Variants in FMN1 observed in about 807,000 individuals in gnomAD.
FMN1 encodes formin 1, also known as formin-1.
FMN1 carries 110 observed loss-of-function variants against 132.4 expected under a neutral mutation model. The observed-to-expected ratio is 0.83, with a 90% confidence interval of 0.71 to 0.97. FMN1 has a LOEUF of 0.97. Ranked by LOEUF, FMN1 falls within the 50% of genes least tolerant of loss-of-function variation. The pLI, the probability that FMN1 is intolerant of heterozygous loss-of-function variation, is 0.00. For synonymous variants in FMN1, 722 were observed against 651.7 expected, an observed-to-expected ratio of 1.11 and a Z score of -1.64; for missense variants, 1,792 against 1,705.3, an observed-to-expected ratio of 1.05 and a Z score of -0.90.
intron 17 of FMN1, among the ~76,000 whole-genome samples, chr15:32,833,728 C>T (rs943719539): frequency 2.0e-5 from 3 of 152,140 alleles, no homozygotes; most frequent in African/African-American, 4.8e-5. Context: ...GTAAAGAAAA[C>T]CCATCTGAAA....
At chr15:33,069,724 TA>T (rs2037910744) in intron 5 of FMN1, among the ~76,000 whole-genome samples, 1 of 152,188 alleles carries the variant, frequency 6.6e-6, no homozygotes, top group Non-Finnish European at 1.5e-5. Flanking sequence ...TAAGGGTAAG[TA>T]AAACACTTTC....
At chr15:32,945,872 T>A (rs927220973) in intron 9 of FMN1, among the ~76,000 whole-genome samples, 1 of 152,156 alleles carries the variant, frequency 6.6e-6, no homozygotes, top group Non-Finnish European at 1.5e-5. Context: ...TAAAGATACT[T>A]AGGGCACCTC....
intron 17 of FMN1, among the ~76,000 whole-genome samples, chr15:32,806,121 C>T (rs949261131): frequency 6.6e-6 from 1 of 152,094 alleles, no homozygotes; most frequent in Non-Finnish European, 1.5e-5. Context: ...TATTATGTAA[C>T]ATGTTATTAT....
chr15:33,023,815 T>A (rs549789549), intron 6 of FMN1, among the ~76,000 whole-genome samples: 1 of 152,164 alleles, frequency 6.6e-6, no homozygotes, highest in Non-Finnish European at 1.5e-5. Context: ...TGAGGTTGCA[T>A]TGAAATTTGT....
At chr15:33,137,087 CAAAAAAAAAAAA>C (rs3082373) in intron 4 of FMN1, among the ~76,000 whole-genome samples, 6 of 52,424 alleles carry the variant, frequency 1.1e-4, no homozygotes, top group Admixed American at 2.9e-4. Flanking sequence ...GACCCCGTCT[CAAAAAAAAAAAA>C]AAAAAAAAAA....
intron 4 of FMN1, among the ~76,000 whole-genome samples, chr15:33,116,299 T>C (rs16965100): frequency 0.058 from 8,886 of 152,272 alleles, 280 homozygotes; most frequent in Middle Eastern, 0.11. Context: ...TTGGTTCACA[T>C]TAATCTGTGC....
chr15:33,076,718 G>A (rs2038226327), intron 5 of FMN1, among the ~76,000 whole-genome samples: 1 of 152,088 alleles, frequency 6.6e-6, no homozygotes, highest in Non-Finnish European at 1.5e-5. Context: ...ATTTGCACTG[G>A]ATCCATCTGA....
At chr15:33,012,812 G>A (rs1036453606) in intron 6 of FMN1, 1 of 664,522 alleles carries the variant, frequency 1.5e-6, no homozygotes, top group Non-Finnish European at 2.8e-6. Flanking sequence ...GGCAGCTGTG[G>A]TGGTGGAGGA....
intron 6 of FMN1, among the ~76,000 whole-genome samples, chr15:33,019,619 G>A (rs2035305109): frequency 6.6e-6 from 1 of 152,194 alleles, no homozygotes. Context: ...CCCGAGCCCT[G>A]CCCTGCAAGG....
At chr15:33,087,826 T>TATATAC (rs2038757984) in intron 5 of FMN1, among the ~76,000 whole-genome samples, 1 of 152,016 alleles carries the variant, frequency 6.6e-6, no homozygotes, top group Non-Finnish European at 1.5e-5. Context: ...TATATATACA[T>TATATAC]ATATACATAT....
chr15:33,085,941 A>T (rs1301376607), intron 5 of FMN1, among the ~76,000 whole-genome samples: 1 of 152,194 alleles, frequency 6.6e-6, no homozygotes, highest in Non-Finnish European at 1.5e-5. Context: ...AAGCAGTTTA[A>T]GAGTAATTGT....
chr15:33,124,267 T>C (rs575864233), intron 4 of FMN1, among the ~76,000 whole-genome samples: 5 of 124,496 alleles, frequency 4.0e-5, no homozygotes, highest in East Asian at 4.6e-4. Flanking sequence ...AAAAAACACA[T>C]TGACATTCAC....
intron 17 of FMN1, among the ~76,000 whole-genome samples, chr15:32,815,395 CA>C (rs1425033580): frequency 1.3e-5 from 2 of 151,812 alleles, no homozygotes; most frequent in Admixed American, 1.3e-4. Flanking sequence ...AAAAGTTCTC[CA>C]ACTAGCTTCT....
chr15:33,051,722 T>C (rs989373247), intron 6 of FMN1, among the ~76,000 whole-genome samples: 1 of 152,162 alleles, frequency 6.6e-6, no homozygotes, highest in Non-Finnish European at 1.5e-5. Context: ...TGAGCACGTG[T>C]ACAACTCCAA....
At chr15:32,802,276 T>A (rs1238390856) in intron 18 of FMN1, among the ~76,000 whole-genome samples, 1 of 152,208 alleles carries the variant, frequency 6.6e-6, no homozygotes, top group Non-Finnish European at 1.5e-5. Flanking sequence ...AATGATTACA[T>A]CAAAGAGCCT....
At chr15:33,140,966 G>T (rs1313594693) in intron 4 of FMN1, among the ~76,000 whole-genome samples, 1 of 152,080 alleles carries the variant, frequency 6.6e-6, no homozygotes, top group Non-Finnish European at 1.5e-5. Flanking sequence ...TCTTATAAGT[G>T]AATTGACTAT....
chr15:32,917,707 T>C (rs1265351650), intron 10 of FMN1, among the ~76,000 whole-genome samples: 2 of 152,198 alleles, frequency 1.3e-5, no homozygotes, highest in African/African-American at 4.8e-5. Context: ...TGGACAAAGA[T>C]TGTACTTCAT....
intron 9 of FMN1, 55 bp downstream of exon 9, chr15:32,964,046 CACATAT>C (rs1567472557): frequency 8.9e-6 from 11 of 1,239,688 alleles, no homozygotes; most frequent in Non-Finnish European, 1.2e-5. Context: ...CACACACACA[CACATAT>C]ATACCATTTC....
At chr15:33,126,757 G>A (rs1369769046) in intron 4 of FMN1, among the ~76,000 whole-genome samples, 1 of 152,172 alleles carries the variant, frequency 6.6e-6, no homozygotes, top group Non-Finnish European at 1.5e-5. Flanking sequence ...GGAAAGGAGG[G>A]AAGACAGATT....
Sources: gnomAD v4.1 joint callset for allele counts (sites outside exome capture counted in the v4.1 genomes callset) on GRCh38, gnomAD v4.1.1 for gene constraint, MANE v1.5 for transcripts, NCBI Gene and HGNC (gene_info 2026-07-23, HGNC 2026-07-21) for gene names.